HGD: variants seen among roughly 807,000 people sequenced by gnomAD.
HGD encodes the protein homogentisate 1,2-dioxygenase.
In HGD, 61 loss-of-function variants were observed where a neutral mutation model predicts 60.8. The observed-to-expected ratio is 1.00, with a 90% CI of 0.82 to 1.24. HGD has a LOEUF of 1.24. Ranked by LOEUF, HGD falls within the 50% of genes most tolerant of loss-of-function variation. The pLI is 0.00. For synonymous variants in HGD, 212 were observed against 187.7 expected (o/e 1.13, Z -1.06); for missense variants, 542 against 547.1 (o/e 0.99, Z 0.09).
intron 13 of HGD, among the ~76,000 whole-genome samples, chr3:120,629,225 A>G (rs1442206512): frequency 1.3e-5 from 2 of 152,206 alleles, no homozygotes; most frequent in Non-Finnish European, 2.9e-5. Context: ...CTTAGACATT[A>G]CAGCTTCATC....
chr3:120,651,315 C>T (rs895091483), intron 5 of HGD, among the ~76,000 whole-genome samples: 1 of 152,154 alleles, frequency 6.6e-6, no homozygotes, highest in African/African-American at 2.4e-5. Context: ...TCAGCCTAAT[C>T]TCTCTGGAAC....
chr3:120,642,170 C>T (rs771958195), intron 10 of HGD, among the ~76,000 whole-genome samples: 2 of 152,130 alleles, frequency 1.3e-5, no homozygotes, highest in Non-Finnish European at 2.9e-5. Flanking sequence ...CTAAAAGTTC[C>T]AACTCCAAGG....
At position 120,658,275 on chromosome 3, in the gene HGD, G is replaced by C. The variant is rs1177777622; in HGVS notation, c.283-5624C>G. Among the ~76,000 whole-genome samples, 4 of 152,200 alleles carry C rather than the reference G, an allele frequency of 2.6e-5. No individual in the cohort carries two copies. In the East Asian group the frequency reaches 7.7e-4, roughly 29 times the overall value. On this transcript the variant is annotated intron_variant, in intron 4 of 13. Transcript: ENST00000283871. ...AGTTAGTTACTTCCAAGATACAATG[G>C]GGGTATAGACATTAGGTAAATACTT...
chr3:120,649,011 AG>A (rs1941248884), intron 6 of HGD, among the ~76,000 whole-genome samples: 1 of 152,026 alleles, frequency 6.6e-6, no homozygotes, highest in African/African-American at 2.4e-5. Context: ...GGAACTGTTA[AG>A]TCCTCCTGAG....
Position 120,649,584 on chromosome 3 carries a change from C to T in HGD, c.434+1190G>A, listed in dbSNP as rs992179780. ...AGCTCAGTTGGCTTGCCTGCGCATT[C>T]GTGTGACTGTCATTTTTGTGCATAA... On this transcript the variant is annotated intron_variant, in intron 6 of 13. Transcript: ENST00000283871. Among the ~76,000 whole-genome samples, 4 of 152,096 alleles carry T rather than the reference C, an allele frequency of 2.6e-5. No homozygotes were observed. In the South Asian group the frequency reaches 6.2e-4, roughly 24 times the overall value.
At chr3:120,679,563 A>T (rs561159418) in intron 1 of HGD, among the ~76,000 whole-genome samples, 2 of 152,142 alleles carry the variant, frequency 1.3e-5, no homozygotes, top group Admixed American at 1.3e-4. Context: ...ATAATTAAGG[A>T]TCTTGGGATG....
chr3:120,656,706 C>T (rs61799868), intron 4 of HGD, among the ~76,000 whole-genome samples: 15,124 of 152,082 alleles, frequency 0.099, 811 homozygotes, highest in East Asian at 0.19. Context: ...TGCATGCCCC[C>T]ATGCCCGGGT....
intron 1 of HGD, among the ~76,000 whole-genome samples, chr3:120,676,942 C>T (rs1708142678): frequency 1.3e-5 from 2 of 152,300 alleles, no homozygotes; most frequent in Non-Finnish European, 2.9e-5. Flanking sequence ...ATTTCATGGA[C>T]ATTTATTAGT....
rs746125474 is a variant in HGD at position 120,633,163 on chromosome 3, A to G, written c.1172T>C (p.Ile391Thr). The G allele has an allele frequency of 4.3e-6, 7 of 1,613,950 alleles. No homozygotes were observed. Among genetic ancestry groups the G allele is most frequent in the East Asian group, 2.2e-5 (1 of 44,890 alleles). Residue 391 changes from isoleucine to threonine, a missense_variant, in exon 13 of 14, where the codon ATT becomes ACT. By Grantham distance (89) the Ile-to-Thr change is moderately conservative (BLOSUM62 -1). Coordinates refer to ENST00000283871, the MANE Select transcript of HGD (RefSeq NM_000187.4). Reference sequence around the variant, plus strand: ...CATACTTACCATGGTGCCATCGGCAATCCTCTCAGGTGCCAGCTTGACCTT... The same window carrying G: ...CATACTTACCATGGTGCCATCGGCAGTCCTCTCAGGTGCCAGCTTGACCTT... ...ASKVKLAPER[I>T]ADGTMAFMFE...
intron 4 of HGD, among the ~76,000 whole-genome samples, chr3:120,661,728 A>C (rs1399726696): frequency 6.6e-6 from 1 of 152,258 alleles, no homozygotes; most frequent in Non-Finnish European, 1.5e-5. Flanking sequence ...AAATGTAAAA[A>C]GAGCTAGCAA....
Position 120,642,642 on chromosome 3 carries a change from A to G in HGD, c.775-949T>C, listed in dbSNP as rs147181465. ...ATCAACAAATACACAGTTGGACAGA[A>G]GCGTGCATATCAGCTTTTGCAAGTC... On this transcript the variant is annotated intron_variant, in intron 10 of 13. Coordinates refer to ENST00000283871, the MANE Select transcript of HGD (RefSeq NM_000187.4). Among the ~76,000 whole-genome samples, 480 of 152,346 alleles carry G rather than the reference A, an allele frequency of 3.2e-3. 3 individuals carry two copies. Among genetic ancestry groups the G allele is most frequent in the African/African-American group, 0.011 (461 of 41,572 alleles).
chr3:120,664,442 T>C (rs1015039706), intron 4 of HGD, among the ~76,000 whole-genome samples: 2 of 148,362 alleles, frequency 1.3e-5, no homozygotes, highest in African/African-American at 4.9e-5. Context: ...TTTTTTTTTT[T>C]TCTGAGATAG....
chr3:120,650,749 C>T (rs1261494426), intron 6 of HGD, 25 bp downstream of exon 6: 1 of 1,570,762 alleles, frequency 6.4e-7, no homozygotes, highest in African/African-American at 1.3e-5. Context: ...ATGGGCATGT[C>T]CTTCCCTAGA....
At chr3:120,671,710 T>C (rs1219368937) in intron 3 of HGD, among the ~76,000 whole-genome samples, 1 of 152,198 alleles carries the variant, frequency 6.6e-6, no homozygotes, top group East Asian at 1.9e-4. Flanking sequence ...GCAGCACTAT[T>C]CACAATGCAA....
At chr3:120,673,373 C>T (rs1034612469) in intron 3 of HGD, among the ~76,000 whole-genome samples, 1 of 152,148 alleles carries the variant, frequency 6.6e-6, no homozygotes, top group Admixed American at 6.6e-5. Flanking sequence ...TGGGGACAGG[C>T]TGCAGAATCC....
chr3:120,628,219 A>G lies in HGD; in HGVS notation c.*161T>C. On this transcript the variant is annotated 3_prime_UTR_variant, in exon 14 of 14. Transcript: ENST00000283871. Reference sequence around the variant, plus strand: ...ATTGAGTAATTAAGGTGACAGCCATAGAACTTTGCAAATGCGTTTCCATAA... The same window carrying G: ...ATTGAGTAATTAAGGTGACAGCCATGGAACTTTGCAAATGCGTTTCCATAA... 1 of 753,868 alleles carries G rather than the reference A, an allele frequency of 1.3e-6. No individual in the cohort carries two copies. The highest frequency in any genetic ancestry group is 1.6e-5 in the South Asian group (1 of 63,280). The allele number at this position is 753,868 out of a possible 1,614,324, so 46.7% of individuals were successfully genotyped here. A position where few individuals can be genotyped will look rare whatever the true frequency, so the allele number is the denominator to read the frequency against.
At chr3:120,654,044 G>A (rs138636460) in intron 4 of HGD, among the ~76,000 whole-genome samples, 3 of 152,322 alleles carry the variant, frequency 2.0e-5, no homozygotes, top group African/African-American at 7.2e-5. Context: ...ATCAGGAAGT[G>A]CCACAGCTAA....
At chr3:120,668,906 TGGGGTTCTCA>T (rs1262290942) in intron 4 of HGD, among the ~76,000 whole-genome samples, 3 of 152,162 alleles carry the variant, frequency 2.0e-5, no homozygotes, top group African/African-American at 7.2e-5. Context: ...GGCAATACAC[TGGGGTTCTCA>T]GAAGGTTAAA....
chr3:120,654,966 G>T (rs546090108), intron 4 of HGD, among the ~76,000 whole-genome samples: 1 of 152,284 alleles, frequency 6.6e-6, no homozygotes, highest in Non-Finnish European at 1.5e-5. Flanking sequence ...AGCTACTCAG[G>T]AAGCTGAGGC....
Sources: allele counts gnomAD v4.1 joint callset (sites outside exome capture counted in the v4.1 genomes callset), GRCh38; gene constraint gnomAD v4.1.1; transcripts MANE v1.5; gene names NCBI Gene and HGNC (gene_info 2026-07-23, HGNC 2026-07-21).